The following FRMD3 variants were observed in gnomAD, a reference collection of about 807,000 sequenced individuals.
FRMD3 encodes FERM domain-containing protein 3.
FRMD3 carries 33 observed loss-of-function variants against 70.2 expected under a neutral mutation model. The observed-to-expected ratio is 0.47, with a 90% CI of 0.36 to 0.63. FRMD3 has a LOEUF of 0.63. FRMD3 is among the 20% of genes least tolerant of loss of function. The pLI, the probability that FRMD3 is intolerant of heterozygous loss-of-function variation, is 0.00. For synonymous variants in FRMD3, 279 were observed against 255.9 expected (o/e 1.09, Z -0.86); for missense variants, 632 against 711.4 (o/e 0.89, Z 1.27).
At chr9:83,267,220 G>C in intron 13 of FRMD3, 1 of 1,544,730 alleles carries the variant, frequency 6.5e-7, no homozygotes, top group Non-Finnish European at 8.8e-7. Context: ...CTGTTTTAAA[G>C]GACCTAGGCA....
chr9:83,288,110 C>G (rs1241380469), intron 13 of FRMD3, among the ~76,000 whole-genome samples: 1 of 152,192 alleles, frequency 6.6e-6, no homozygotes, highest in Non-Finnish European at 1.5e-5. Context: ...TGCATGCACT[C>G]AAAAGCCCAG....
At chr9:83,575,757 C>CT in the FRMD3 span, among the ~76,000 whole-genome samples, 1 of 152,162 alleles carries the variant, frequency 6.6e-6, no homozygotes, top group African/African-American at 2.4e-5. Flanking sequence ...GAATTACTAG[C>CT]TTTTAAACTT....
intron 1 of FRMD3, among the ~76,000 whole-genome samples, chr9:83,447,092 C>T (rs139363100): frequency 0.036 from 5,544 of 152,212 alleles, 167 homozygotes; most frequent in East Asian, 0.14. Context: ...GGCGCCATCT[C>T]GGCTCACTGC....
At position 83,247,915 on chromosome 9, in the gene FRMD3, A is replaced by C; in HGVS notation, c.*3T>G. 6.2e-7 allele frequency: 1 copy of C among 1,612,678 alleles called. No individual in the cohort carries two copies. Among genetic ancestry groups the C allele is most frequent in the Non-Finnish European group, 8.5e-7 (1 of 1,178,872 alleles). ...TAGCCCTTAGTCACGTGAGAGATTA[A>C]CTTCATGAGCAACCCAGCATGTAGA... On this transcript the variant is annotated 3_prime_UTR_variant, in exon 14 of 14. Transcript: ENST00000304195.
chr9:83,563,235 C>A, the FRMD3 span, among the ~76,000 whole-genome samples: 2 of 152,178 alleles, frequency 1.3e-5, no homozygotes, highest in Non-Finnish European at 2.9e-5. Flanking sequence ...TGTCTGGGGA[C>A]TTTCCCTTCA....
the FRMD3 span, among the ~76,000 whole-genome samples, chr9:83,545,356 G>GTTTTT: frequency 5.1e-5 from 6 of 117,614 alleles, no homozygotes; most frequent in South Asian, 2.9e-4. Context: ...GTTTTTTTTT[G>GTTTTT]TTTTTTTTTT....
intron 1 of FRMD3, among the ~76,000 whole-genome samples, chr9:83,438,033 G>A (rs1827186836): frequency 6.6e-6 from 1 of 152,088 alleles, no homozygotes; most frequent in Non-Finnish European, 1.5e-5. Context: ...GGCTGTTTTG[G>A]TGCTATAAGC....
intron 13 of FRMD3, among the ~76,000 whole-genome samples, chr9:83,286,624 G>A (rs10867974): frequency 0.47 from 71,881 of 152,052 alleles, 19,804 homozygotes; most frequent in South Asian, 0.76. Flanking sequence ...GAGCCACTGC[G>A]CCCAGCCATT....
At chr9:83,318,600 G>C (rs1356156722) in intron 6 of FRMD3, among the ~76,000 whole-genome samples, 1 of 152,082 alleles carries the variant, frequency 6.6e-6, no homozygotes. Flanking sequence ...AAACATATGA[G>C]TGCCGGTATC....
intron 6 of FRMD3, among the ~76,000 whole-genome samples, chr9:83,318,598 G>A (rs1407896536): frequency 6.6e-6 from 1 of 152,066 alleles, no homozygotes; most frequent in Non-Finnish European, 1.5e-5. Context: ...ATAAACATAT[G>A]AGTGCCGGTA....
At chr9:83,496,975 G>A (rs562156207) in intron 1 of FRMD3, among the ~76,000 whole-genome samples, 34 of 152,236 alleles carry the variant, frequency 2.2e-4, no homozygotes, top group African/African-American at 7.9e-4. Flanking sequence ...TTAGCCGGGT[G>A]TGGTGGCGGG....
chr9:83,354,916 C>A, intron 3 of FRMD3, among the ~76,000 whole-genome samples: 1 of 152,118 alleles, frequency 6.6e-6, no homozygotes, highest in East Asian at 1.9e-4. Flanking sequence ...AAAATCAAAT[C>A]ATTTAAAATT....
At chr9:83,309,154 G>C (rs999484112) in intron 10 of FRMD3, among the ~76,000 whole-genome samples, 1 of 151,928 alleles carries the variant, frequency 6.6e-6, no homozygotes, top group African/African-American at 2.4e-5. Flanking sequence ...TCCCAAATAA[G>C]CTACTTGTAC....
chr9:83,282,669 T>C (rs1264192340), intron 13 of FRMD3, among the ~76,000 whole-genome samples: 5 of 152,146 alleles, frequency 3.3e-5, no homozygotes, highest in Admixed American at 3.3e-4. Context: ...GAAAGGTGGA[T>C]AGTCTTGTCT....
Position 83,536,440 on chromosome 9 carries a change from C to G in FRMD3, c.147+1645G>C, listed in dbSNP as rs186667765. Among the ~76,000 whole-genome samples, 17 of 152,094 alleles carry G rather than the reference C, an allele frequency of 1.1e-4. 1 individual carries two copies. Among genetic ancestry groups the G allele is most frequent in the Admixed American group, 9.2e-4 (14 of 15,286 alleles). ...TCAACAGCCTCTCTCCCTGACGGCC[C>G]CTCCATCATCTACACATTCATTATG... is the stretch of plus-strand genomic sequence containing the variant. On this transcript the variant is annotated intron_variant, in intron 1 of 13. Coordinates refer to ENST00000304195, the MANE Select transcript of FRMD3 (RefSeq NM_174938.6).
chr9:83,311,511 G>T (rs1371076781), intron 8 of FRMD3, among the ~76,000 whole-genome samples: 1 of 152,184 alleles, frequency 6.6e-6, no homozygotes, highest in Non-Finnish European at 1.5e-5. Flanking sequence ...CTCAACAGAG[G>T]AGAAGAGTGG....
At chr9:83,460,836 T>A (rs757200562) in intron 1 of FRMD3, among the ~76,000 whole-genome samples, 43 of 152,182 alleles carry the variant, frequency 2.8e-4, no homozygotes, top group Non-Finnish European at 5.3e-4. Flanking sequence ...AATTTTTAAA[T>A]GTTAGTAACT....
At chr9:83,542,794 C>T (rs2131574297), upstream of FRMD3, among the ~76,000 whole-genome samples, 1 of 152,128 alleles carries the variant, frequency 6.6e-6, no homozygotes, top group East Asian at 1.9e-4. Flanking sequence ...AGAAAGAAAC[C>T]CACACAAATA....
intron 1 of FRMD3, among the ~76,000 whole-genome samples, chr9:83,533,327 A>C (rs2131560264): frequency 6.6e-6 from 1 of 152,366 alleles, no homozygotes; most frequent in Middle Eastern, 3.4e-3. Flanking sequence ...GATAGTTATA[A>C]AATTCATATG....
Sources: allele counts gnomAD v4.1 joint callset (sites outside exome capture counted in the v4.1 genomes callset), GRCh38; gene constraint gnomAD v4.1.1; transcripts MANE v1.5; gene names NCBI Gene and HGNC (gene_info 2026-07-23, HGNC 2026-07-21).